OR51E1: variants seen among roughly 807,000 people sequenced by gnomAD.
OR51E1 encodes olfactory receptor family 51 subfamily E member 1.
OR51E1 carries 9 observed loss-of-function variants against 11.5 expected under a neutral mutation model. The observed-to-expected ratio is 0.78, with a 90% CI of 0.47 to 1.37. The LOEUF (loss-of-function observed/expected upper bound fraction) is 1.37. OR51E1 is among the 40% of genes most tolerant of loss of function. The pLI is 0.00. For missense variants in OR51E1, 397 were observed against 410.2 expected (o/e 0.97, Z 0.28); for synonymous variants, 168 against 158.3 (o/e 1.06, Z -0.46).
Position 4,653,176 on chromosome 11 carries a change from T to C in OR51E1, c.650T>C (p.Ile217Thr). The change falls in exon 2 of 2, where the codon ATC becomes ACC. Residue 217 changes from isoleucine to threonine, a missense_variant. Physicochemically the swap from Ile to Thr is moderately conservative, Grantham distance 89 (BLOSUM62 -1). Transcript: ENST00000396952. The stretch of plus-strand genomic sequence containing the variant: ...GCCATTGGCCTGGACTCACTTCTCA[T>C]CTCCTTCTCATATCTGCTTATTCTT... ...ISAIGLDSLL[I>T]SFSYLLILKT... 1.2e-6 allele frequency: 2 copies of C among 1,614,038 alleles called. No individual in the cohort carries two copies. Among genetic ancestry groups the C allele is most frequent in the Non-Finnish European group, 1.7e-6 (2 of 1,179,940 alleles).
intron 1 of OR51E1, among the ~76,000 whole-genome samples, chr11:4,645,374 T>G (rs573153454): frequency 4.6e-5 from 7 of 152,328 alleles, no homozygotes; most frequent in African/African-American, 1.7e-4. Context: ...AAATGTCACC[T>G]CCTCAGGGAA....
rs1847125062 is a variant in OR51E1 at position 4,653,155 on chromosome 11, T to C, written c.629T>C (p.Ile210Thr). 4.3e-6 allele frequency: 7 copies of C among 1,614,090 alleles called. No homozygotes were observed. The highest frequency in any genetic ancestry group is 1.6e-4 in the Middle Eastern group (1 of 6,062). The change falls in exon 2 of 2, where the codon ATT (isoleucine) becomes ACT (threonine). Residue 210 changes from isoleucine (I) to threonine (T), a missense_variant. Physicochemically the swap from Ile to Thr is moderately conservative, Grantham distance 89. Transcript: ENST00000396952. ...VYGLIVIISA[I>T]GLDSLLISFS... ...GGCCTTATCGTCATCATCTCCGCCA[T>C]TGGCCTGGACTCACTTCTCATCTCC... is the stretch of plus-strand genomic sequence containing the variant.
intron 1 of OR51E1, among the ~76,000 whole-genome samples, chr11:4,647,234 C>T (rs1407381599): frequency 6.6e-6 from 1 of 152,180 alleles, no homozygotes; most frequent in Non-Finnish European, 1.5e-5. Flanking sequence ...ATTATAAAAA[C>T]AACAAAATCA....
chr11:4,649,626 G>A (rs996232672), intron 1 of OR51E1, among the ~76,000 whole-genome samples: 2 of 152,084 alleles, frequency 1.3e-5, no homozygotes, highest in African/African-American at 2.4e-5. Flanking sequence ...AATAGGGAGC[G>A]AGCTGGTTTC....
At position 4,654,491 on chromosome 11, in the gene OR51E1, C is replaced by G. The variant is rs947227675; in HGVS notation, c.*1008C>G. On this transcript the variant is annotated 3_prime_UTR_variant, in exon 2 of 2. Transcript: ENST00000396952. ...TCTAGGTTCACCATTATGGAAGATT[C>G]TTATTCAGAAAGTCTGCATAGGGCT... is the stretch of plus-strand genomic sequence containing the variant. 6.0e-6 allele frequency: 1 copy of G among 167,040 alleles called. No individual in the cohort carries two copies. The highest frequency in any genetic ancestry group is 2.4e-5 in the African/African-American group (1 of 41,452). The allele number at this position is 167,040 out of a possible 1,614,324, so 10.3% of individuals were successfully genotyped here. A position where few individuals can be genotyped will look rare whatever the true frequency, so the allele number is the denominator to read the frequency against.
intron 1 of OR51E1, among the ~76,000 whole-genome samples, chr11:4,644,314 T>A (rs1168943996): frequency 6.6e-6 from 1 of 151,988 alleles, no homozygotes; most frequent in South Asian, 2.1e-4. Flanking sequence ...CAGGGGCTGA[T>A]GTGAATGAGG....
chr11:4,647,075 G>A (rs1215598103), intron 1 of OR51E1, among the ~76,000 whole-genome samples: 3 of 152,026 alleles, frequency 2.0e-5, no homozygotes, highest in Non-Finnish European at 4.4e-5. Flanking sequence ...AGGTTAAATC[G>A]GTTTCTCTGC....
chr11:4,652,405 A>C, intron 1 of OR51E1, 83 bp from the exon 2 acceptor site: 1 of 659,896 alleles, frequency 1.5e-6, no homozygotes, highest in Non-Finnish European at 2.7e-6. Context: ...AGTTTGAGTT[A>C]GAGAACAGTA....
At position 4,653,145 on chromosome 11, in the gene OR51E1, A is replaced by C; in HGVS notation, c.619A>C (p.Ile207Leu). The change falls in exon 2 of 2, where the codon ATC (isoleucine) becomes CTC (leucine). Residue 207 changes from isoleucine (I) to leucine (L), a missense_variant. Physicochemically the swap from Ile to Leu is conservative, Grantham distance 5. Coordinates refer to ENST00000396952, the MANE Select transcript of OR51E1 (RefSeq NM_152430.4). ...VNVVYGLIVIISAIGLDSLLI... is the reference protein window; with the variant it reads ...VNVVYGLIVILSAIGLDSLLI... ...TGTCGTCTATGGCCTTATCGTCATC[A>C]TCTCCGCCATTGGCCTGGACTCACT... 6.2e-7 allele frequency: 1 copy of C among 1,613,760 alleles called. No individual in the cohort carries two copies. The highest frequency in any genetic ancestry group is 8.5e-7 in the Non-Finnish European group (1 of 1,179,828).
chr11:4,645,531 G>A (rs1022656816), intron 1 of OR51E1, among the ~76,000 whole-genome samples: 11 of 152,208 alleles, frequency 7.2e-5, no homozygotes, highest in African/African-American at 9.7e-5. Context: ...AGGCTGGAAC[G>A]ATATCTCTGG....
chr11:4,651,160 T>G (rs1847092778), intron 1 of OR51E1, among the ~76,000 whole-genome samples: 1 of 152,166 alleles, frequency 6.6e-6, no homozygotes, highest in African/African-American at 2.4e-5. Context: ...CAGATTCAGT[T>G]TGTTTGCAGA....
In OR51E1 at chr11:4,653,519, C is replaced by G; in HGVS notation, c.*36C>G. ...TCAAACTTCTTTTCCATTCAGAGTC[C>G]TCTGATTCAGATTTTAATGTTAACA... is the stretch of plus-strand genomic sequence containing the variant. On this transcript the variant is annotated 3_prime_UTR_variant, in exon 2 of 2. Transcript: ENST00000396952. 2 of 1,267,806 alleles carry G rather than the reference C, an allele frequency of 1.6e-6. No homozygotes were observed. Among genetic ancestry groups the G allele is most frequent in the Non-Finnish European group, 2.2e-6 (2 of 900,630 alleles). 78.5% of individuals were successfully genotyped at this position (1,267,806 alleles called of 1,614,324 possible).
rs772892323 is a variant in OR51E1, at chr11:4,650,562, A to C, written c.-39-1926A>C. Among the ~76,000 whole-genome samples the C allele has an allele frequency of 2.0e-5, 3 of 152,102 alleles. No homozygotes were observed. In the East Asian group the frequency reaches 5.8e-4, roughly 29 times the overall value. On this transcript the variant is annotated intron_variant, in intron 1 of 1. Transcript: ENST00000396952. ...TCCCATTGTTTTCCCACTAATTTCTATCTGGTCTGAGGAAACCTCTGGGTG... is the reference window on the plus strand; with the variant it reads ...TCCCATTGTTTTCCCACTAATTTCTCTCTGGTCTGAGGAAACCTCTGGGTG...
At chr11:4,651,044 A>AAGGG (rs1043446821) in intron 1 of OR51E1, among the ~76,000 whole-genome samples, 3 of 152,020 alleles carry the variant, frequency 2.0e-5, no homozygotes, top group African/African-American at 7.2e-5. Flanking sequence ...GGAGGAAAGA[A>AAGGG]AGGGAGGGAG....
chr11:4,652,002 T>A (rs904136252), intron 1 of OR51E1, among the ~76,000 whole-genome samples: 4 of 152,340 alleles, frequency 2.6e-5, no homozygotes, highest in Non-Finnish European at 5.9e-5. Flanking sequence ...AGATTAATGC[T>A]GGGGTTAGGT....
chr11:4,652,059 A>T (rs1847104899), intron 1 of OR51E1, among the ~76,000 whole-genome samples: 2 of 152,276 alleles, frequency 1.3e-5, no homozygotes, highest in Middle Eastern at 3.4e-3. Flanking sequence ...TTGGACTGGA[A>T]TTTTTTCTTA....
chr11:4,649,739 A>T (rs1286350215), intron 1 of OR51E1, among the ~76,000 whole-genome samples: 2 of 152,196 alleles, frequency 1.3e-5, no homozygotes, highest in African/African-American at 4.8e-5. Flanking sequence ...ACGCCACCAT[A>T]ACAGAAAAAA....
Position 4,653,057 on chromosome 11 carries a change from T to C in OR51E1, c.531T>C (p.Leu177=), listed in dbSNP as rs747247487. The C allele has an allele frequency of 4.3e-6, 7 of 1,613,946 alleles. No individual in the cohort carries two copies. Among genetic ancestry groups the C allele is most frequent in the Non-Finnish European group, 5.1e-6 (6 of 1,179,868 alleles). ...KQLPFCRSNI[L]SHSYCLHQDV... ...TGCCCTTCTGCCGCTCCAATATCCT[T>C]TCCCATTCCTACTGCCTACACCAAG... The change falls in exon 2 of 2, where the codon CTT becomes CTC. Residue 177 remains leucine, a synonymous_variant. Transcript: ENST00000396952.
intron 1 of OR51E1, among the ~76,000 whole-genome samples, chr11:4,645,310 C>G (rs939580898): frequency 2.6e-5 from 4 of 152,178 alleles, no homozygotes; most frequent in Non-Finnish European, 5.9e-5. Flanking sequence ...CATTAACTGC[C>G]TGTGTCACTG....
Sources: allele counts gnomAD v4.1 joint callset (sites outside exome capture counted in the v4.1 genomes callset), GRCh38; gene constraint gnomAD v4.1.1; transcripts MANE v1.5; gene names NCBI Gene and HGNC (gene_info 2026-07-23, HGNC 2026-07-21).